CREBBP: variants seen among roughly 807,000 people sequenced by gnomAD.
CREBBP encodes the protein CREB-binding protein.
In CREBBP, 19 loss-of-function variants were observed where a neutral mutation model predicts 265.0. The observed-to-expected ratio is 0.07, with a 90% CI of 0.05 to 0.11. CREBBP has a LOEUF of 0.11. Ranked by LOEUF, CREBBP falls within the 10% of genes least tolerant of loss-of-function variation. The pLI is 1.00. For missense variants in CREBBP, 2,525 were observed against 3,219.0 expected (o/e 0.78, Z 5.22); for synonymous variants, 1,457 against 1,223.7 (o/e 1.19, Z -3.98).
chr16:3,850,637 G>A lies in CREBBP; in HGVS notation c.458C>T (p.Pro153Leu), dbSNP rs146538907. The A allele has an allele frequency of 5.0e-4, 803 of 1,614,228 alleles. No homozygotes were observed. Among genetic ancestry groups the A allele is most frequent in the Non-Finnish European group, 5.8e-4 (689 of 1,180,052 alleles). The change falls in exon 2 of 31, where the codon CCG becomes CTG. Residue 153 changes from proline (P) to leucine (L), a missense_variant. Around this residue, in one of 19 missense-constraint regions of CREBBP, gnomAD observed 356 missense variants for 340.4 expected, o/e 1.05. Coordinates refer to ENST00000262367, the MANE Select transcript of CREBBP (RefSeq NM_004380.3). ...CAGCCCCACTTGCTTTTGTGCTTGCGGATTCAGTGCTTGGGAGGCAGCGGG... is the reference window on the plus strand; with the variant it reads ...CAGCCCCACTTGCTTTTGTGCTTGCAGATTCAGTGCTTGGGAGGCAGCGGG... ...PTPAASQALN[P>L]QAQKQVGLAT...
At chr16:3,819,684 T>A (rs761228173) in intron 2 of CREBBP, among the ~76,000 whole-genome samples, 1 of 152,228 alleles carries the variant, frequency 6.6e-6, no homozygotes, top group Non-Finnish European at 1.5e-5. Context: ...TGGTAAATCA[T>A]AAGCGTTTCC....
intron 2 of CREBBP, among the ~76,000 whole-genome samples, chr16:3,843,657 C>T (rs1156394923): frequency 6.6e-6 from 1 of 151,850 alleles, no homozygotes; most frequent in Admixed American, 6.6e-5. Context: ...TGGGCTCAAG[C>T]AATCCTCCCA....
At chr16:3,765,962 G>C (rs1466347316) in intron 16 of CREBBP, among the ~76,000 whole-genome samples, 1 of 152,092 alleles carries the variant, frequency 6.6e-6, no homozygotes, top group African/African-American at 2.4e-5. Flanking sequence ...AAAATGCTGA[G>C]ATTACGGGTG....
chr16:3,788,577 C>CA (rs975451765), intron 5 of CREBBP, among the ~76,000 whole-genome samples: 7 of 151,936 alleles, frequency 4.6e-5, no homozygotes, highest in South Asian at 2.1e-4. Context: ...CCTAATTATT[C>CA]AAAAAAAATT....
chr16:3,768,271 G>A lies in CREBBP; in HGVS notation c.3061-362C>T, dbSNP rs568895788. On this transcript the variant is annotated intron_variant, in intron 15 of 30. Coordinates refer to ENST00000262367, the MANE Select transcript of CREBBP (RefSeq NM_004380.3). The stretch of plus-strand genomic sequence containing the variant: ...AGCAATTCTCCTGCCTCAGCCTCCC[G>A]AGTAGCTGGGATTACACGTGTGTGC... Among the ~76,000 whole-genome samples the A allele has an allele frequency of 1.6e-4, 22 of 137,150 alleles. No homozygotes were observed. The East Asian group carries it at 3.3e-3, about 21-fold the overall frequency. 90.0% of individuals were successfully genotyped at this position (137,150 alleles called of 152,430 possible). A position where few individuals can be genotyped will look rare whatever the true frequency, so the allele number is the denominator to read the frequency against.
intron 8 of CREBBP, among the ~76,000 whole-genome samples, chr16:3,779,866 G>A (rs1459598948): frequency 5.9e-5 from 9 of 152,164 alleles, no homozygotes; most frequent in Non-Finnish European, 1.3e-4. Flanking sequence ...CACTTTGGGA[G>A]GCCAAGGCAA....
chr16:3,743,176 G>C (rs542058027), intron 23 of CREBBP: 2 of 152,378 alleles, frequency 1.3e-5, no homozygotes, highest in South Asian at 4.1e-4. Flanking sequence ...GCTGAGGAAG[G>C]TGTTACTGGC....
At chr16:3,757,626 AGTAAGC>A (rs1287200621) in intron 18 of CREBBP, among the ~76,000 whole-genome samples, 177 bp downstream of exon 18, 1 of 152,194 alleles carries the variant, frequency 6.6e-6, no homozygotes, top group Non-Finnish European at 1.5e-5. Flanking sequence ...GGCCTCCCTC[AGTAAGC>A]GCCTGTACAC....
intron 21 of CREBBP, among the ~76,000 whole-genome samples, chr16:3,748,603 A>G (rs1207955166): frequency 1.3e-5 from 2 of 152,198 alleles, no homozygotes; most frequent in African/African-American, 4.8e-5. Flanking sequence ...GGATAGGGAG[A>G]GCAGGGTCTG....
At chr16:3,828,169 C>T (rs562245659) in intron 2 of CREBBP, among the ~76,000 whole-genome samples, 3 of 151,950 alleles carry the variant, frequency 2.0e-5, no homozygotes, top group Non-Finnish European at 2.9e-5. Context: ...CTCGGCTCAC[C>T]GCAACCTCTG....
At chr16:3,739,248 T>C (rs2052143157) in intron 25 of CREBBP, among the ~76,000 whole-genome samples, 1 of 152,228 alleles carries the variant, frequency 6.6e-6, no homozygotes, top group African/African-American at 2.4e-5. Context: ...CCCAGATTCC[T>C]GACTGCACAT....
chr16:3,819,504 G>A (rs148451936), intron 2 of CREBBP, among the ~76,000 whole-genome samples: 28 of 152,312 alleles, frequency 1.8e-4, no homozygotes, highest in Middle Eastern at 3.4e-3. Context: ...TACAGAGAAC[G>A]TGTAATGGTG....
At chr16:3,763,258 C>T (rs1415999736) in intron 16 of CREBBP, among the ~76,000 whole-genome samples, 1 of 151,608 alleles carries the variant, frequency 6.6e-6, no homozygotes, top group Non-Finnish European at 1.5e-5. Flanking sequence ...TAGGCTCAAG[C>T]AACCCTCCTA....
intron 2 of CREBBP, among the ~76,000 whole-genome samples, chr16:3,840,344 G>C (rs969250022): frequency 4.6e-5 from 7 of 152,176 alleles, no homozygotes; most frequent in Admixed American, 4.6e-4. Context: ...CTTGAGTTCA[G>C]TTCAAGACCA....
chr16:3,874,249 A>G (rs1410215849), intron 1 of CREBBP, among the ~76,000 whole-genome samples: 1 of 152,246 alleles, frequency 6.6e-6, no homozygotes, highest in African/African-American at 2.4e-5. Context: ...TAAGCTCTGA[A>G]GTGCTCCAAG....
At chr16:3,839,633 GATC>G (rs1200674875) in intron 2 of CREBBP, among the ~76,000 whole-genome samples, 1 of 146,050 alleles carries the variant, frequency 6.8e-6, no homozygotes, top group Non-Finnish European at 1.5e-5. Context: ...AGTGAGCCGA[GATC>G]ACGCCATTGC....
At chr16:3,821,254 C>A (rs1567339117) in intron 2 of CREBBP, among the ~76,000 whole-genome samples, 1 of 152,242 alleles carries the variant, frequency 6.6e-6, no homozygotes, top group East Asian at 1.9e-4. Flanking sequence ...AAAGGCTACA[C>A]TCCTGGGAGA....
intron 1 of CREBBP, among the ~76,000 whole-genome samples, chr16:3,864,333 T>G (rs1169841467): frequency 6.6e-6 from 1 of 151,904 alleles, no homozygotes; most frequent in Non-Finnish European, 1.5e-5. Flanking sequence ...AAACAGAAAA[T>G]GAATGCCTTA....
intron 15 of CREBBP, among the ~76,000 whole-genome samples, chr16:3,768,327 G>A (rs2052915687): frequency 6.6e-6 from 1 of 151,160 alleles, no homozygotes; most frequent in Non-Finnish European, 1.5e-5. Context: ...TTATATTCTT[G>A]GTAGATATGG....
Sources: allele counts gnomAD v4.1 joint callset (sites outside exome capture counted in the v4.1 genomes callset), GRCh38; gene constraint gnomAD v4.1.1; regional missense constraint gnomAD v4.1.1; transcripts MANE v1.5; gene names NCBI Gene and HGNC (gene_info 2026-07-23, HGNC 2026-07-21).